Variants in SENP7 observed in about 807,000 individuals in gnomAD.
SENP7 encodes the protein SUMO specific peptidase 7, also known as sentrin-specific protease 7.
SENP7 carries 64 observed loss-of-function variants against 141.2 expected under a neutral mutation model. That is an observed-to-expected ratio of 0.45 (90% CI 0.37 to 0.56). The LOEUF (loss-of-function observed/expected upper bound fraction) is 0.56. SENP7 is among the 20% of genes least tolerant of loss of function. SENP7 has a pLI of 0.00. For missense variants in SENP7, 1,025 were observed against 1,212.2 expected (o/e 0.85, Z 2.29); for synonymous variants, 382 against 426.4 (o/e 0.90, Z 1.28).
At chr3:101,436,782 T>C (rs1040237696) in intron 4 of SENP7, among the ~76,000 whole-genome samples, 8 of 152,190 alleles carry the variant, frequency 5.3e-5, no homozygotes, top group African/African-American at 1.9e-4. Flanking sequence ...CAATAACAAA[T>C]GCTGGCAAGG....
At chr3:101,338,685 T>C (rs1222234650) in intron 16 of SENP7, among the ~76,000 whole-genome samples, 1 of 152,114 alleles carries the variant, frequency 6.6e-6, no homozygotes, top group East Asian at 1.9e-4. Context: ...TACCCAGGGA[T>C]AGGGAAAGAA....
intron 4 of SENP7, among the ~76,000 whole-genome samples, chr3:101,426,646 AT>A (rs1007061265): frequency 6.6e-6 from 1 of 151,554 alleles, no homozygotes; most frequent in African/African-American, 2.4e-5. Flanking sequence ...TGCCCAGCTA[AT>A]TTTTTTTATT....
chr3:101,344,991 C>CAAAAAAAAAAAAAAAAAAAA (rs71132568), intron 13 of SENP7, among the ~76,000 whole-genome samples: 1 of 61,342 alleles, frequency 1.6e-5, no homozygotes, highest in African/African-American at 6.7e-5. Context: ...AAAAAGAAAG[C>CAAAAAAAAAAAAAAAAAAAA]AAAAAAAAAA....
chr3:101,328,683 C>T lies in SENP7; in HGVS notation c.2758G>A (p.Glu920Lys), dbSNP rs993943500. The part of the protein sequence containing the change: ...SLSAEDSQST[E>K]SNMSVPKKMC... ...TTCTTTGGTACTGACATATTCGACTCGGTACTCTGAAATAACATAAATTTT... is the reference window on the plus strand; with the variant it reads ...TTCTTTGGTACTGACATATTCGACTTGGTACTCTGAAATAACATAAATTTT... The change falls in exon 21 of 24, where the codon GAG becomes AAG. Residue 920 changes from glutamate to lysine, a missense_variant. Glu to Lys is a moderately conservative substitution (Grantham distance 56, BLOSUM62 1). This residue lies in a region of SENP7 where 295 missense variants were observed against 459.1 expected (regional missense o/e 0.64). Transcript: ENST00000394095. 23 of 1,605,294 alleles carry T rather than the reference C, an allele frequency of 1.4e-5. No individual in the cohort carries two copies. The highest frequency in any genetic ancestry group is 4.4e-5 in the South Asian group (4 of 90,690).
intron 4 of SENP7, among the ~76,000 whole-genome samples, chr3:101,444,763 A>G (rs1410922421): frequency 6.6e-6 from 1 of 150,620 alleles, no homozygotes; most frequent in Non-Finnish European, 1.5e-5. Flanking sequence ...GAGGGGGGAA[A>G]GATAGCATTG....
At chr3:101,367,786 T>C (rs2060076487) in intron 8 of SENP7, 44 bp downstream of exon 8, 10 of 1,241,970 alleles carry the variant, frequency 8.1e-6, no homozygotes, top group East Asian at 2.6e-5. Context: ...GTTTTTATCA[T>C]AGCATGAAAT....
chr3:101,444,857 C>T lies in SENP7; in HGVS notation c.284+14098G>A, dbSNP rs558205713. Among the ~76,000 whole-genome samples, 26 of 151,796 alleles carry T rather than the reference C, an allele frequency of 1.7e-4. No homozygotes were observed. In the East Asian group the frequency reaches 2.5e-3, roughly 15 times the overall value. On this transcript the variant is annotated intron_variant, in intron 4 of 23. Coordinates refer to ENST00000394095, the MANE Select transcript of SENP7 (RefSeq NM_020654.5). ...CGTATACATATGTAACTAACCTGCACATTGTGCACATGTACCCTAAAACTT... is the reference window on the plus strand; with the variant it reads ...CGTATACATATGTAACTAACCTGCATATTGTGCACATGTACCCTAAAACTT...
chr3:101,500,940 C>A (rs80001674), intron 2 of SENP7, 130 bp downstream of exon 2: 1 of 626,862 alleles, frequency 1.6e-6, no homozygotes, highest in Non-Finnish European at 2.8e-6. Context: ...TAGAATACAC[C>A]ACTCTCCCAA....
rs775505297 is a variant in SENP7 at position 101,398,993 on chromosome 3, G to T, written c.545C>A (p.Thr182Asn). 1.2e-6 allele frequency: 2 copies of T among 1,613,450 alleles called. No individual in the cohort carries two copies. Among genetic ancestry groups the T allele is most frequent in the Non-Finnish European group, 1.7e-6 (2 of 1,179,612 alleles). Residue 182 changes from threonine to asparagine, a missense_variant, in exon 6 of 24, where the codon ACC becomes AAC. Thr to Asn is a moderately conservative substitution (Grantham distance 65). Coordinates refer to ENST00000394095, the MANE Select transcript of SENP7 (RefSeq NM_020654.5). ...GTELGRKYIRTPPVTEGSLSD... is the reference protein window; with the variant it reads ...GTELGRKYIRNPPVTEGSLSD... ...CAAACTTCCCTCAGTTACAGGTGGG[G>T]TCCTTATGTATTTTCTTCCTAACTC...
intron 6 of SENP7, among the ~76,000 whole-genome samples, chr3:101,380,445 C>CCCCCCCCCCCACA (rs58844573): frequency 1.6e-5 from 2 of 128,826 alleles, no homozygotes; most frequent in African/African-American, 2.8e-5. Flanking sequence ...GCCCCCCCCC[C>CCCCCCCCCCCACA]CACACACACA....
chr3:101,367,700 C>T, intron 8 of SENP7, 130 bp downstream of exon 8: 2 of 590,340 alleles, frequency 3.4e-6, no homozygotes, highest in South Asian at 2.8e-5. Flanking sequence ...ATAAAGCTAA[C>T]AGTGAACCAA....
At chr3:101,375,542 CCAAAAAAAAAAAAAAA>C (rs755902546) in intron 6 of SENP7, among the ~76,000 whole-genome samples, 1,139 of 25,586 alleles carry the variant, frequency 0.045, 37 homozygotes, top group Admixed American at 0.092. Flanking sequence ...AATTCCATCT[CCAAAAAAAAAAAAAAA>C]AAAAAAAAAA....
chr3:101,338,262 T>C (rs1003894757), intron 16 of SENP7, among the ~76,000 whole-genome samples: 16 of 152,076 alleles, frequency 1.1e-4, no homozygotes, highest in African/African-American at 3.6e-4. Context: ...TACCTGCCCC[T>C]GTAGAGCCTA....
At chr3:101,371,671 C>T (rs1462517230) in intron 7 of SENP7, among the ~76,000 whole-genome samples, 1 of 151,952 alleles carries the variant, frequency 6.6e-6, no homozygotes, top group Non-Finnish European at 1.5e-5. Context: ...CAGTGATTAG[C>T]TAATAATAAA....
chr3:101,475,665 A>G (rs1386277890), intron 3 of SENP7, among the ~76,000 whole-genome samples: 1 of 152,188 alleles, frequency 6.6e-6, no homozygotes, highest in Non-Finnish European at 1.5e-5. Flanking sequence ...TATTTAACAA[A>G]TCTGCACATC....
intron 5 of SENP7, among the ~76,000 whole-genome samples, chr3:101,416,687 T>C (rs1315631051): frequency 1.3e-5 from 2 of 152,214 alleles, no homozygotes; most frequent in Non-Finnish European, 2.9e-5. Context: ...TTTGTCTTTT[T>C]AAAAGAAGTA....
chr3:101,393,347 T>A (rs184109279), intron 6 of SENP7, among the ~76,000 whole-genome samples: 1 of 152,258 alleles, frequency 6.6e-6, no homozygotes, highest in East Asian at 1.9e-4. Flanking sequence ...AGGGATTACA[T>A]CAAAATTAAA....
intron 3 of SENP7, among the ~76,000 whole-genome samples, chr3:101,476,012 AT>A (rs772109332): frequency 1.2e-4 from 19 of 152,164 alleles, no homozygotes; most frequent in Non-Finnish European, 2.2e-4. Flanking sequence ...TCTACAGAAC[AT>A]TTCATCCACC....
At chr3:101,500,747 A>G (rs2065346285) in intron 2 of SENP7, among the ~76,000 whole-genome samples, 1 of 152,246 alleles carries the variant, frequency 6.6e-6, no homozygotes, top group Non-Finnish European at 1.5e-5. Context: ...CATCTATAGC[A>G]TTACTAATGA....
Sources: gnomAD v4.1 joint callset for allele counts (sites outside exome capture counted in the v4.1 genomes callset) on GRCh38, gnomAD v4.1.1 for gene constraint, gnomAD v4.1.1 regional missense constraint, MANE v1.5 for transcripts, NCBI Gene and HGNC (gene_info 2026-07-23, HGNC 2026-07-21) for gene names.